The following ZNF28 variants were observed in gnomAD, a reference collection of about 807,000 sequenced individuals.
ZNF28 encodes zinc finger protein KOX24.
Under a neutral mutation model 7.2 loss-of-function variants are expected in ZNF28, and 5 were observed. The observed-to-expected ratio is 0.70, with a 90% CI of 0.36 to 1.46. The LOEUF (loss-of-function observed/expected upper bound fraction) is 1.46, where lower values mean the gene tolerates loss of function less well. Among genes scored for constraint, ZNF28 ranks in the 40% most tolerant of loss-of-function variants. ZNF28 has a pLI of 0.03. For missense variants in ZNF28, 879 were observed against 866.6 expected (o/e 1.01, Z -0.18); for synonymous variants, 288 against 292.4 (o/e 0.99, Z 0.15).
chr19:52,820,303 G>A (rs2063179492), intron 1 of ZNF28, among the ~76,000 whole-genome samples: 2 of 134,088 alleles, frequency 1.5e-5, no homozygotes. Flanking sequence ...ATTTTTAGTA[G>A]AGACGGGGTT....
In ZNF28 at chr19:52,811,645, C is replaced by T. The variant is rs1294502447; in HGVS notation, c.16-3512G>A. 4.9e-4 allele frequency among the ~76,000 whole-genome samples: 72 copies of T among 147,294 alleles called. 1 individual carries two copies. Among genetic ancestry groups the T allele is most frequent in the African/African-American group, 1.7e-3 (65 of 38,588 alleles). On this transcript the variant is annotated intron_variant, in intron 2 of 3. Transcript: ENST00000457749. ...CGCCCCGTCTGAGAAGTGAGGAAAC[C>T]CTCTGCCTGGCAACCGCCCCGTCTG...
At position 52,801,296 on chromosome 19, in the gene ZNF28, C is replaced by T. The variant is rs1317760298; in HGVS notation, c.549G>A (p.Arg183=). 1.2e-6 allele frequency: 2 copies of T among 1,614,060 alleles called. No homozygotes were observed. Among genetic ancestry groups the T allele is most frequent in the South Asian group, 2.2e-5 (2 of 91,078 alleles). Residue 183 remains arginine, a synonymous_variant, in exon 4 of 4, where the codon AGG becomes AGA. Coordinates refer to ENST00000457749, the MANE Select transcript of ZNF28 (RefSeq NM_006969.5). ...SVSTSQRICC[R]PKTHISNKYG... ...ACTTATTAGAAATATGGGTTTTGGG[C>T]CTACAACAAATTCTTTGGGATGTTG...
At chr19:52,811,895 A>G (rs868166996) in intron 2 of ZNF28, among the ~76,000 whole-genome samples, 3 of 79,536 alleles carry the variant, frequency 3.8e-5, no homozygotes, top group Admixed American at 1.3e-4. Flanking sequence ...GGTGGGGGGG[A>G]CAGCCCCCCG....
At chr19:52,810,263 C>A in intron 2 of ZNF28, 1 of 1,366,872 alleles carries the variant, frequency 7.3e-7, no homozygotes, top group Non-Finnish European at 1.0e-6. Flanking sequence ...GCAATGCTGG[C>A]CCAGTGATCA....
intron 2 of ZNF28, among the ~76,000 whole-genome samples, chr19:52,814,810 C>T (rs748423407): frequency 2.1e-5 from 3 of 146,082 alleles, no homozygotes; most frequent in Non-Finnish European, 4.4e-5. Flanking sequence ...TCGCTTGAAC[C>T]AGGAAGGCAG....
In ZNF28 at chr19:52,801,216, A is replaced by G. The variant is rs1600423269; in HGVS notation, c.629T>C (p.Met210Thr). ...AATACATTGGAAAGATTTTTCTCTCATGTGTACATTCCGTTTTTGTGTGAG... is the reference window on the plus strand; with the variant it reads ...AATACATTGGAAAGATTTTTCTCTCGTGTGTACATTCCGTTTTTGTGTGAG... The part of the protein sequence containing the change: ...SLLTQKRNVH[M>T]REKSFQCIES... Residue 210 changes from methionine (M) to threonine (T), a missense_variant, in exon 4 of 4, where the codon ATG becomes ACG. Met to Thr is a moderately conservative substitution (Grantham distance 81). Coordinates refer to ENST00000457749, the MANE Select transcript of ZNF28 (RefSeq NM_006969.5). The G allele has an allele frequency of 1.2e-6, 2 of 1,605,938 alleles. No homozygotes were observed. Among genetic ancestry groups the G allele is most frequent in the Non-Finnish European group, 1.7e-6 (2 of 1,179,814 alleles).
At chr19:52,810,053 A>G (rs557760105) in intron 2 of ZNF28, 3 of 741,242 alleles carry the variant, frequency 4.0e-6, no homozygotes, top group Admixed American at 4.0e-5. Context: ...CCCGCGCCCC[A>G]TGCCTGGGAG....
At position 52,800,221 on chromosome 19, in the gene ZNF28, G is replaced by C. The variant is rs1361374818; in HGVS notation, c.1624C>G (p.His542Asp). Residue 542 changes from histidine to aspartate, a missense_variant, in exon 4 of 4, where the codon CAT becomes GAT. Coordinates refer to ENST00000457749, the MANE Select transcript of ZNF28 (RefSeq NM_006969.5). Reference protein sequence around the residue: ...FSTKANLACHHKLHTAEKPYK... With the variant: ...FSTKANLACHDKLHTAEKPYK... ...GGTTTCTCTGCAGTATGAAGTTTATGATGACATGCAAGGTTTGCTTTTGTA... is the reference window on the plus strand; with the variant it reads ...GGTTTCTCTGCAGTATGAAGTTTATCATGACATGCAAGGTTTGCTTTTGTA... The C allele has an allele frequency of 6.2e-7, 1 of 1,613,256 alleles. No individual in the cohort carries two copies. The highest frequency in any genetic ancestry group is 1.1e-5 in the South Asian group (1 of 91,024).
intron 3 of ZNF28, among the ~76,000 whole-genome samples, chr19:52,803,183 A>G (rs1295410544): frequency 2.6e-5 from 4 of 152,092 alleles, no homozygotes; most frequent in Non-Finnish European, 4.4e-5. Context: ...GGTTCATGTG[A>G]GTCTCTTCCT....
At chr19:52,807,857 A>G in intron 3 of ZNF28, 150 bp downstream of exon 3, 2 of 1,243,038 alleles carry the variant, frequency 1.6e-6, no homozygotes, top group Non-Finnish European at 2.2e-6. Context: ...AACAAAGGGG[A>G]CAGTGAAAGT....
At chr19:52,810,681 A>G in intron 2 of ZNF28, 1 of 880,660 alleles carries the variant, frequency 1.1e-6, no homozygotes, top group Admixed American at 1.7e-5. Flanking sequence ...GCCGGGCTAG[A>G]GCGACATCAC....
At chr19:52,816,688 T>C (rs2063128198) in intron 2 of ZNF28, among the ~76,000 whole-genome samples, 1 of 120,162 alleles carries the variant, frequency 8.3e-6, no homozygotes, top group African/African-American at 4.0e-5. Flanking sequence ...AAAAATTAGT[T>C]GGGGATGGTG....
chr19:52,802,483 G>A (rs942659398), intron 3 of ZNF28, among the ~76,000 whole-genome samples: 12 of 152,128 alleles, frequency 7.9e-5, no homozygotes, highest in African/African-American at 2.9e-4. Flanking sequence ...AGTTTGACCA[G>A]CCTGGCCAAT....
At position 52,817,919 on chromosome 19, in the gene ZNF28, C is replaced by G. The variant is rs780578973; in HGVS notation, c.15+25G>C. 6.2e-6 allele frequency: 10 copies of G among 1,609,556 alleles called. No homozygotes were observed. In the South Asian group the frequency reaches 1.1e-4, roughly 18 times the overall value. ...CGTTTCTGAAAGGAAGGAGACAGAGCAATCCACCGAGAATACCATCTCACC... is the reference window on the plus strand; with the variant it reads ...CGTTTCTGAAAGGAAGGAGACAGAGGAATCCACCGAGAATACCATCTCACC... On this transcript the variant is annotated intron_variant, in intron 2 of 3. Coordinates refer to ENST00000457749, the MANE Select transcript of ZNF28 (RefSeq NM_006969.5).
At chr19:52,816,809 C>T (rs2063130475) in intron 2 of ZNF28, among the ~76,000 whole-genome samples, 1 of 149,814 alleles carries the variant, frequency 6.7e-6, no homozygotes, top group Admixed American at 6.7e-5. Flanking sequence ...GCAGCCTGGG[C>T]AACAAAGCAA....
chr19:52,804,172 C>T (rs2062907832), intron 3 of ZNF28, among the ~76,000 whole-genome samples: 1 of 152,138 alleles, frequency 6.6e-6, no homozygotes, highest in Admixed American at 6.5e-5. Flanking sequence ...TATGGCTGGT[C>T]TAAAGCATGA....
chr19:52,818,613 G>C (rs374241057), intron 1 of ZNF28, among the ~76,000 whole-genome samples: 26 of 152,236 alleles, frequency 1.7e-4, no homozygotes, highest in African/African-American at 6.0e-4. Context: ...AGGAGGCTGA[G>C]GTAGAATTGC....
At chr19:52,809,869 C>T (rs570729248) in intron 2 of ZNF28, 4 of 673,214 alleles carry the variant, frequency 5.9e-6, no homozygotes, top group South Asian at 3.4e-5. Flanking sequence ...ACTGGGCCTG[C>T]GGGCGGTCCG....
chr19:52,815,721 A>G (rs774133249), intron 2 of ZNF28, among the ~76,000 whole-genome samples: 1 of 145,862 alleles, frequency 6.9e-6, no homozygotes, highest in South Asian at 2.3e-4. Context: ...GCTACTCGGG[A>G]GGCTGAGGCA....
Sources: gnomAD v4.1 joint callset for allele counts (sites outside exome capture counted in the v4.1 genomes callset) on GRCh38, gnomAD v4.1.1 for gene constraint, MANE v1.5 for transcripts, NCBI Gene and HGNC (gene_info 2026-07-23, HGNC 2026-07-21) for gene names.